DSG3: variants seen among roughly 807,000 people sequenced by gnomAD.
The protein encoded by DSG3 is desmoglein 3.
Under a neutral mutation model 85.9 loss-of-function variants are expected in DSG3, and 63 were observed. The ratio of observed to expected loss-of-function variants is 0.73; its 90% CI spans 0.60 to 0.90. The LOEUF (loss-of-function observed/expected upper bound fraction) is 0.90. Ranked by LOEUF, DSG3 falls within the 40% of genes least tolerant of loss-of-function variation. The pLI is 0.00. For synonymous variants in DSG3, 447 were observed against 441.9 expected, an observed-to-expected ratio of 1.01 and a Z score of -0.14; for missense variants, 1,220 against 1,219.9, an observed-to-expected ratio of 1.00 and a Z score of 0.00.
intron 9 of DSG3, among the ~76,000 whole-genome samples, chr18:31,464,661 A>T (rs566990374): frequency 6.6e-6 from 1 of 152,322 alleles, no homozygotes; most frequent in South Asian, 2.1e-4. Flanking sequence ...ATGGAAACTT[A>T]CAGTTGAGTC....
chr18:31,476,153 G>T lies in DSG3; in HGVS notation c.2893G>T (p.Val965Leu), dbSNP rs778941030. 3 of 1,614,208 alleles carry T rather than the reference G, an allele frequency of 1.9e-6. No homozygotes were observed. The highest frequency in any genetic ancestry group is 2.2e-5 in the South Asian group (2 of 91,076). ...ACAAAATGTGATAGTGACAGAAAGG[G>T]TGATCTGTCCCATTTCCAGTGTTCC... ...LTQNVIVTER[V>L]ICPISSVPGN... The change falls in exon 16 of 16, where the codon GTG becomes TTG. Residue 965 changes from valine to leucine, a missense_variant. Val to Leu is a conservative substitution (Grantham distance 32). Transcript: ENST00000257189.
intron 7 of DSG3, 47 bp from the exon 8 acceptor site, chr18:31,461,180 T>C (rs753178661): frequency 2.7e-6 from 4 of 1,495,688 alleles, no homozygotes; most frequent in African/African-American, 1.4e-5. Context: ...AATCTCTCCA[T>C]GTAAAACCTG....
At chr18:31,470,253 T>C (rs2199299) in intron 12 of DSG3, among the ~76,000 whole-genome samples, 41,884 of 151,962 alleles carry the variant, frequency 0.28, 5,912 homozygotes, top group Middle Eastern at 0.3. Context: ...ATTATATGAT[T>C]ATTAATTTTA....
chr18:31,472,902 A>C, intron 14 of DSG3, 114 bp downstream of exon 14: 2 of 888,100 alleles, frequency 2.3e-6, no homozygotes, highest in Non-Finnish European at 1.8e-6. Flanking sequence ...ACATGTCAGG[A>C]GCTGTTACCA....
rs1203545605 is a variant in DSG3 at position 31,458,458 on chromosome 18, A to C, written c.230A>C (p.Tyr77Ser). 9 of 1,613,830 alleles carry C rather than the reference A, an allele frequency of 5.6e-6. No homozygotes were observed. The highest frequency in any genetic ancestry group is 1.7e-5 in the Admixed American group (1 of 59,980). Residue 77 changes from tyrosine (Y) to serine (S), a missense_variant, in exon 4 of 16, where the codon TAC (tyrosine) becomes TCC (serine). Transcript: ENST00000257189. ...RNPIAKITSDYQATQKITYRI... is the reference protein window; with the variant it reads ...RNPIAKITSDSQATQKITYRI... ...TTGGGGCTGTAGATTACTTCAGATT[A>C]CCAAGCAACCCAGAAAATCACCTAC... is the stretch of plus-strand genomic sequence containing the variant.
Position 31,466,752 on chromosome 18 carries a change from A to G in DSG3, c.1634A>G (p.Asn545Ser), listed in dbSNP as rs1408827147. ...GCCGTATGGAGTATCACAACCCTCAATGGTGAGTAACAGTAAAGTTGCTTC... is the reference window on the plus strand; with the variant it reads ...GCCGTATGGAGTATCACAACCCTCAGTGGTGAGTAACAGTAAAGTTGCTTC... Reference protein sequence around the residue: ...LPAVWSITTLNATSALLRAQE... With the variant: ...LPAVWSITTLSATSALLRAQE... Residue 545 changes from asparagine (N) to serine (S), a missense_variant and splice_region_variant, in exon 11 of 16, where the codon AAT (asparagine) becomes AGT (serine). Asn to Ser is a conservative substitution (Grantham distance 46). Coordinates refer to ENST00000257189, the MANE Select transcript of DSG3 (RefSeq NM_001944.3). 1 of 1,613,356 alleles carries G rather than the reference A, an allele frequency of 6.2e-7. No individual in the cohort carries two copies. Among genetic ancestry groups the G allele is most frequent in the Admixed American group, 1.7e-5 (1 of 60,024 alleles).
intron 3 of DSG3, among the ~76,000 whole-genome samples, chr18:31,457,951 A>G (rs924692584): frequency 6.6e-6 from 1 of 152,076 alleles, no homozygotes; most frequent in African/African-American, 2.4e-5. Flanking sequence ...CTAACTTTAC[A>G]TATATTTCAC....
intron 12 of DSG3, among the ~76,000 whole-genome samples, chr18:31,470,957 T>A (rs892301164): frequency 1.2e-4 from 18 of 152,314 alleles, no homozygotes; most frequent in South Asian, 6.2e-4. Flanking sequence ...TTGTACTTTA[T>A]CCTATGAGAA....
chr18:31,455,757 T>A (rs1211661759), intron 1 of DSG3, among the ~76,000 whole-genome samples: 1 of 152,196 alleles, frequency 6.6e-6, no homozygotes, highest in Admixed American at 6.5e-5. Flanking sequence ...TTCATTTTAC[T>A]GTCATTTAAT....
chr18:31,475,985 G>C lies in DSG3; in HGVS notation c.2725G>C (p.Ala909Pro), dbSNP rs1424663530. 9.3e-6 allele frequency: 15 copies of C among 1,614,204 alleles called. No homozygotes were observed. Among genetic ancestry groups the C allele is most frequent in the Non-Finnish European group, 1.1e-5 (13 of 1,180,036 alleles). The change falls in exon 16 of 16, where the codon GCT (alanine) becomes CCT (proline). Residue 909 changes from alanine (A) to proline (P), a missense_variant. Ala to Pro is a conservative substitution (Grantham distance 27). Transcript: ENST00000257189. ...TTTGTCAGGAAGTCAAGGAGCTTCTGCTTTGTCCACCTCTGGGTCTGTCCA... is the reference window on the plus strand; with the variant it reads ...TTTGTCAGGAAGTCAAGGAGCTTCTCCTTTGTCCACCTCTGGGTCTGTCCA... The part of the protein sequence containing the change: ...QTLSGSQGAS[A>P]LSTSGSVQPA...
intron 9 of DSG3, among the ~76,000 whole-genome samples, chr18:31,464,650 C>T (rs537203159): frequency 6.6e-6 from 1 of 152,284 alleles, no homozygotes; most frequent in African/African-American, 2.4e-5. Context: ...GAACATGTCT[C>T]ATGGAAACTT....
chr18:31,448,105 A>G (rs997468940), intron 1 of DSG3, among the ~76,000 whole-genome samples, 180 bp downstream of exon 1: 2 of 151,000 alleles, frequency 1.3e-5, no homozygotes, highest in African/African-American at 4.9e-5. Flanking sequence ...TTTATGTTGT[A>G]TTTTACATAG....
Position 31,465,309 on chromosome 18 carries a change from A to G in DSG3, c.1272-9A>G, listed in dbSNP as rs751079351. ...AAAGAAAACTGATTTTTTTAATATT[A>G]TGAAACAGATATGTCATGGGACGTA... On this transcript the variant is annotated splice_polypyrimidine_tract_variant and intron_variant, in intron 9 of 15. Coordinates refer to ENST00000257189, the MANE Select transcript of DSG3 (RefSeq NM_001944.3). 7.2e-7 allele frequency: 1 copy of G among 1,392,044 alleles called. No homozygotes were observed. Among genetic ancestry groups the G allele is most frequent in the Non-Finnish European group, 9.4e-7 (1 of 1,064,480 alleles). 86.2% of individuals were successfully genotyped at this position (1,392,044 alleles called of 1,614,324 possible). A position where few individuals can be genotyped will look rare whatever the true frequency, so the allele number is the denominator to read the frequency against.
chr18:31,467,210 G>A (rs28757858), intron 11 of DSG3, among the ~76,000 whole-genome samples: 6,662 of 152,080 alleles, frequency 0.044, 439 homozygotes, highest in African/African-American at 0.15. Flanking sequence ...GTGTGCTGGC[G>A]CATGCCTGTA....
intron 8 of DSG3, 56 bp downstream of exon 8, chr18:31,461,468 C>T: frequency 7.4e-7 from 1 of 1,359,494 alleles, no homozygotes; most frequent in South Asian, 1.3e-5. Context: ...CCAAAATGAT[C>T]ATTTCTACAG....
intron 8 of DSG3, among the ~76,000 whole-genome samples, chr18:31,462,824 C>A (rs1357664756): frequency 1.3e-5 from 2 of 152,196 alleles, no homozygotes; most frequent in Admixed American, 6.5e-5. Context: ...CTCATTCTTA[C>A]CAGTGCACCA....
Position 31,472,315 on chromosome 18 carries a change from T to G in DSG3, c.1929T>G (p.Cys643Trp). Reference protein sequence around the residue: ...LAPLLLLTCDCGAGSTGGVTG... With the variant: ...LAPLLLLTCDWGAGSTGGVTG... Reference sequence around the variant, plus strand: ...CCCTTCTGCTGTTGACCTGTGACTGTGGGGCAGGTTCTACTGGGGGAGTGA... The same window carrying G: ...CCCTTCTGCTGTTGACCTGTGACTGGGGGGCAGGTTCTACTGGGGGAGTGA... Residue 643 changes from cysteine (C) to tryptophan (W), a missense_variant, in exon 13 of 16, where the codon TGT becomes TGG. By Grantham distance (215) the Cys-to-Trp change is radical. Coordinates refer to ENST00000257189, the MANE Select transcript of DSG3 (RefSeq NM_001944.3). 6.2e-7 allele frequency: 1 copy of G among 1,614,112 alleles called. No individual in the cohort carries two copies. Among genetic ancestry groups the G allele is most frequent in the Non-Finnish European group, 8.5e-7 (1 of 1,179,950 alleles).
rs924763645 is a variant in DSG3 at position 31,477,931 on chromosome 18, A to C, written c.*1671A>C. On this transcript the variant is annotated 3_prime_UTR_variant, in exon 16 of 16. Coordinates refer to ENST00000257189, the MANE Select transcript of DSG3 (RefSeq NM_001944.3). ...AACCTAAATTTGTTTTTGCAGATGG[A>C]ATGCAAAGTAATCAAGTGTTTGTGC... 1.3e-5 allele frequency: 2 copies of C among 152,118 alleles called. No individual in the cohort carries two copies. Among genetic ancestry groups the C allele is most frequent in the Non-Finnish European group, 2.9e-5 (2 of 68,016 alleles). The allele number at this position is 152,118 out of a possible 1,614,324, so 9.4% of individuals were successfully genotyped here.
At position 31,459,146 on chromosome 18, in the gene DSG3, C is replaced by A. The variant is rs1210610166; in HGVS notation, c.486C>A (p.Phe162Leu). ...CTCCAGTATTTTCACAACAAATTTT[C>A]ATGGGTGAAATTGAAGAAAATAGTG... ...DNPPVFSQQI[F>L]MGEIEENSAS... is the part of the protein sequence containing the mutation. Residue 162 changes from phenylalanine (F) to leucine (L), a missense_variant, in exon 5 of 16, where the codon TTC (phenylalanine) becomes TTA (leucine). By Grantham distance (22) the Phe-to-Leu change is conservative (BLOSUM62 0). Transcript: ENST00000257189. The A allele has an allele frequency of 1.2e-6, 2 of 1,612,650 alleles. No homozygotes were observed. Among genetic ancestry groups the A allele is most frequent in the African/African-American group, 2.7e-5 (2 of 74,872 alleles).
Sources: allele counts gnomAD v4.1 joint callset (sites outside exome capture counted in the v4.1 genomes callset), GRCh38; gene constraint gnomAD v4.1.1; transcripts MANE v1.5; gene names NCBI Gene and HGNC (gene_info 2026-07-23, HGNC 2026-07-21).